Variants in PLXNA4 observed in about 807,000 individuals in gnomAD.
PLXNA4 encodes the protein plexin A4.
PLXNA4 carries 44 observed loss-of-function variants against 191.8 expected under a neutral mutation model. That is an observed-to-expected ratio of 0.23 (90% CI 0.18 to 0.29). The LOEUF (loss-of-function observed/expected upper bound fraction) is 0.29. Ranked by LOEUF, PLXNA4 falls within the 10% of genes least tolerant of loss-of-function variation. PLXNA4 has a pLI of 1.00. For synonymous variants in PLXNA4, 1,082 were observed against 1,009.5 expected, an observed-to-expected ratio of 1.07 and a Z score of -1.36; for missense variants, 1,800 against 2,488.8, an observed-to-expected ratio of 0.72 and a Z score of 5.89.
intron 9 of PLXNA4, among the ~76,000 whole-genome samples, chr7:132,212,664 G>A (rs545752773): frequency 9.8e-5 from 15 of 152,302 alleles, no homozygotes; most frequent in Middle Eastern, 3.4e-3. Context: ...GGGAAAGAGA[G>A]GCAGGGGAAA....
intron 1 of PLXNA4, among the ~76,000 whole-genome samples, chr7:132,536,740 T>C (rs1208214893): frequency 6.6e-6 from 1 of 152,340 alleles, no homozygotes; most frequent in Admixed American, 6.5e-5. Context: ...CCAGCAGCTA[T>C]GGCAGTGGCA....
intron 10 of PLXNA4, among the ~76,000 whole-genome samples, chr7:132,208,487 G>T (rs531988675): frequency 6.6e-6 from 1 of 152,140 alleles, no homozygotes; most frequent in African/African-American, 2.4e-5. Context: ...AACTCCAGAG[G>T]GCCAGAGCGC....
chr7:132,180,129 C>T (rs1166878063), intron 19 of PLXNA4, among the ~76,000 whole-genome samples: 3 of 152,174 alleles, frequency 2.0e-5, no homozygotes, highest in Admixed American at 1.3e-4. Context: ...AAAACCTCAC[C>T]TCCTCTTATT....
intron 3 of PLXNA4, among the ~76,000 whole-genome samples, chr7:132,368,541 C>G (rs1804288621): frequency 6.6e-6 from 1 of 152,206 alleles, no homozygotes; most frequent in Admixed American, 6.5e-5. Context: ...TCCTGTCACC[C>G]TCTGTCTGCC....
rs568391959 is a variant in PLXNA4, at chr7:132,621,695, A to G, written c.-87+24233T>C. ...AAGGACATGAACACTTAAAATTGCC[A>G]TAAATACTGATAAATAGCATTCTGA... On this transcript the variant is annotated intron_variant, in intron 2 of 4. Coordinates refer to the PLXNA4 transcript ENST00000378539. Among the ~76,000 whole-genome samples, 93 of 152,364 alleles carry G rather than the reference A, an allele frequency of 6.1e-4. 4 individuals carry two copies. In the South Asian group the frequency reaches 0.018, roughly 30 times the overall value.
intron 3 of PLXNA4, among the ~76,000 whole-genome samples, chr7:132,355,136 A>G (rs536859527): frequency 6.6e-6 from 1 of 152,230 alleles, no homozygotes; most frequent in Admixed American, 6.5e-5. Flanking sequence ...AAGCCTTTGG[A>G]TCTCCAGCAG....
intron 8 of PLXNA4, among the ~76,000 whole-genome samples, chr7:132,225,622 C>CT (rs891083563): frequency 9.3e-5 from 14 of 150,612 alleles, no homozygotes; most frequent in Non-Finnish European, 1.8e-4. Flanking sequence ...GTCCGCCCCC[C>CT]CCCACAGCTT....
chr7:132,440,638 T>G (rs1468007779), intron 3 of PLXNA4, among the ~76,000 whole-genome samples: 1 of 151,988 alleles, frequency 6.6e-6, no homozygotes, highest in Non-Finnish European at 1.5e-5. Context: ...GCTTTTGCAG[T>G]TTTTTTTAAG....
At chr7:132,346,466 CTT>C (rs1182381980) in intron 3 of PLXNA4, among the ~76,000 whole-genome samples, 1 of 152,334 alleles carries the variant, frequency 6.6e-6, no homozygotes, top group African/African-American at 2.4e-5. Flanking sequence ...TAATTACACT[CTT>C]CTCTCTATAA....
chr7:132,630,857 T>C (rs1803479427), intron 2 of PLXNA4, among the ~76,000 whole-genome samples: 1 of 152,192 alleles, frequency 6.6e-6, no homozygotes, highest in African/African-American at 2.4e-5. Context: ...TCGGAGGAAG[T>C]AGAAATAAAT....
intron 4 of PLXNA4, chr7:132,264,092 A>T (rs981709965): frequency 1.3e-5 from 2 of 152,232 alleles, no homozygotes; most frequent in African/African-American, 4.8e-5. Context: ...CTGCACTCAG[A>T]TACAAGACTG....
At chr7:132,184,840 T>C (rs1218497223) in intron 16 of PLXNA4, among the ~76,000 whole-genome samples, 6 of 152,138 alleles carry the variant, frequency 3.9e-5, no homozygotes, top group African/African-American at 7.2e-5. Flanking sequence ...GATAGGTATT[T>C]GGATGGGGCC....
At chr7:132,200,133 G>A (rs1037024040) in intron 12 of PLXNA4, among the ~76,000 whole-genome samples, 7 of 152,150 alleles carry the variant, frequency 4.6e-5, no homozygotes, top group South Asian at 4.1e-4. Flanking sequence ...CCACTCCTTC[G>A]TTTCCCAGGT....
chr7:132,600,126 A>G (rs753114458), intron 2 of PLXNA4, among the ~76,000 whole-genome samples: 14 of 152,212 alleles, frequency 9.2e-5, no homozygotes, highest in Non-Finnish European at 1.3e-4. Flanking sequence ...ATATGCCTAT[A>G]GTTTTCTTTT....
intron 28 of PLXNA4, 140 bp downstream of exon 28, chr7:132,146,370 C>T: frequency 7.2e-7 from 1 of 1,388,640 alleles, no homozygotes; most frequent in Non-Finnish European, 1.0e-6. Context: ...GGGGAATGGT[C>T]AGCAGTGCCT....
At chr7:132,534,202 G>A (rs1026021066) in intron 1 of PLXNA4, among the ~76,000 whole-genome samples, 2 of 152,110 alleles carry the variant, frequency 1.3e-5, no homozygotes, top group African/African-American at 2.4e-5. Context: ...AACAAGGAGA[G>A]GATACAAGAC....
At chr7:132,451,511 C>A (rs1026422717) in intron 3 of PLXNA4, among the ~76,000 whole-genome samples, 5 of 152,160 alleles carry the variant, frequency 3.3e-5, no homozygotes, top group Non-Finnish European at 7.3e-5. Flanking sequence ...TAGACAGAAG[C>A]CTGGTCCCAA....
chr7:132,613,383 C>T (rs1803090726), intron 2 of PLXNA4, among the ~76,000 whole-genome samples: 1 of 152,218 alleles, frequency 6.6e-6, no homozygotes, highest in Admixed American at 6.5e-5. Context: ...CTGAATCCTC[C>T]ATATCACAGT....
intron 20 of PLXNA4, among the ~76,000 whole-genome samples, chr7:132,175,778 G>A (rs562714170): frequency 2.4e-4 from 37 of 152,300 alleles, no homozygotes; most frequent in Non-Finnish European, 4.6e-4. Flanking sequence ...TCCCTGCTCC[G>A]CCTTTCTCTT....
Sources: allele counts gnomAD v4.1 joint callset (sites outside exome capture counted in the v4.1 genomes callset), GRCh38; gene constraint gnomAD v4.1.1; transcripts MANE v1.5; gene names NCBI Gene and HGNC (gene_info 2026-07-23, HGNC 2026-07-21).